Variants in SPAG9 observed in about 807,000 individuals in gnomAD.
SPAG9 encodes the protein C-Jun-amino-terminal kinase-interacting protein 4.
In SPAG9, 35 loss-of-function variants were observed where a neutral mutation model predicts 166.5. That is an observed-to-expected ratio of 0.21 (90% confidence interval 0.16 to 0.28). The LOEUF (loss-of-function observed/expected upper bound fraction) is 0.28. Among genes scored for constraint, SPAG9 ranks in the 10% least tolerant of loss-of-function variants. The probability of loss-of-function intolerance (pLI) is 1.00; values close to 1 mark genes in which losing one functional copy is unlikely to be tolerated. For missense variants in SPAG9, 1,235 were observed against 1,603.3 expected, an observed-to-expected ratio of 0.77 and a Z score of 3.92; for synonymous variants, 534 against 565.5, an observed-to-expected ratio of 0.94 and a Z score of 0.79.
At chr17:51,068,415 T>C (rs936939907) in intron 2 of SPAG9, among the ~76,000 whole-genome samples, 2 of 152,126 alleles carry the variant, frequency 1.3e-5, no homozygotes, top group Admixed American at 6.6e-5. Context: ...CAAAACAGAG[T>C]AGGATAACTT....
At chr17:51,065,441 A>G (rs956063572) in intron 2 of SPAG9, among the ~76,000 whole-genome samples, 2 of 152,200 alleles carry the variant, frequency 1.3e-5, no homozygotes, top group African/African-American at 4.8e-5. Context: ...GTCAAATGGT[A>G]AGGGATCAAA....
At chr17:51,110,627 T>A (rs1437185420) in intron 1 of SPAG9, among the ~76,000 whole-genome samples, 1 of 152,062 alleles carries the variant, frequency 6.6e-6, no homozygotes, top group Non-Finnish European at 1.5e-5. Flanking sequence ...AGGCAACAGT[T>A]GCAGTGAGCC....
chr17:50,986,966 CAACAT>C, intron 22 of SPAG9, 141 bp downstream of exon 22: 1 of 692,226 alleles, frequency 1.4e-6, no homozygotes, highest in Non-Finnish European at 2.3e-6. Flanking sequence ...GTGGTAGTTG[CAACAT>C]AACATCAAAT....
intron 8 of SPAG9, among the ~76,000 whole-genome samples, chr17:51,016,677 C>T (rs1011934440): frequency 2.0e-5 from 3 of 152,134 alleles, no homozygotes; most frequent in South Asian, 2.1e-4. Context: ...GAGGCCAAGG[C>T]GGGTGGATCA....
intron 4 of SPAG9, 140 bp downstream of exon 4, chr17:51,047,235 T>C (rs1373475047): frequency 1.7e-6 from 1 of 577,366 alleles, no homozygotes; most frequent in Non-Finnish European, 3.0e-6. Flanking sequence ...TGCTATTCTC[T>C]CCTGCAGCAT....
At chr17:51,016,716 C>T (rs1455967747) in intron 8 of SPAG9, among the ~76,000 whole-genome samples, 4 of 152,050 alleles carry the variant, frequency 2.6e-5, no homozygotes, top group Non-Finnish European at 5.9e-5. Flanking sequence ...ACCAGCCTGA[C>T]CAACATGGTG....
intron 24 of SPAG9, among the ~76,000 whole-genome samples, chr17:50,984,414 C>T (rs1445426172): frequency 2.0e-5 from 3 of 152,156 alleles, no homozygotes; most frequent in African/African-American, 4.8e-5. Context: ...CAGCCGGGCA[C>T]GGTGGCTCAC....
chr17:51,037,672 T>TATATATA (rs1296323468), intron 5 of SPAG9, among the ~76,000 whole-genome samples: 1 of 97,524 alleles, frequency 1.0e-5, no homozygotes, highest in African/African-American at 3.3e-5. Flanking sequence ...GTTTTATATA[T>TATATATA]ATATATATAT....
intron 19 of SPAG9, among the ~76,000 whole-genome samples, chr17:50,991,777 C>G (rs1163038385): frequency 6.6e-6 from 1 of 151,950 alleles, no homozygotes; most frequent in Non-Finnish European, 1.5e-5. Flanking sequence ...GCGCCTGCCA[C>G]TGCACCTGGC....
chr17:51,053,850 AAAAAGTATAT>A (rs1378835885), intron 3 of SPAG9, among the ~76,000 whole-genome samples: 45 of 57,208 alleles, frequency 7.9e-4, no homozygotes, highest in African/African-American at 4.0e-3. Context: ...AAAAAAAAAA[AAAAAGTATAT>A]ATATATATAT....
intron 9 of SPAG9, among the ~76,000 whole-genome samples, chr17:51,010,853 C>G (rs902873546): frequency 6.6e-6 from 1 of 151,960 alleles, no homozygotes; most frequent in African/African-American, 2.4e-5. Context: ...TAGTCTTGGG[C>G]TCTAGAAAAA....
chr17:51,086,620 T>C (rs1441201990), intron 1 of SPAG9, among the ~76,000 whole-genome samples: 2 of 151,340 alleles, frequency 1.3e-5, no homozygotes, highest in African/African-American at 4.9e-5. Flanking sequence ...ACCACTTCAC[T>C]CCTGCCTGGG....
At chr17:51,019,843 ACT>A (rs1285863820) in intron 8 of SPAG9, among the ~76,000 whole-genome samples, 1 of 152,140 alleles carries the variant, frequency 6.6e-6, no homozygotes, top group Non-Finnish European at 1.5e-5. Flanking sequence ...CAAGAGCGAA[ACT>A]CTGTCTCAAA....
At chr17:51,084,742 C>T (rs1369245514) in intron 1 of SPAG9, among the ~76,000 whole-genome samples, 5 of 151,742 alleles carry the variant, frequency 3.3e-5, no homozygotes, top group African/African-American at 7.3e-5. Context: ...TCTTGTGTTA[C>T]GGATAAAATG....
Position 51,079,663 on chromosome 17 carries a change from C to CT in SPAG9, c.344dup (p.Asp116GlyfsTer17). ...AAGATTCCACTCGGGTCTGTAAGTC[C>CT]TTTTTTTCCTGTTCTTGAGAGTCTT... On this transcript the variant is annotated frameshift_variant, in exon 2 of 30. Transcript: ENST00000262013. LOFTEE classifies it high-confidence loss of function. 3.7e-6 allele frequency: 6 copies of CT among 1,600,386 alleles called. No individual in the cohort carries two copies. The highest frequency in any genetic ancestry group is 3.4e-6 in the Non-Finnish European group (4 of 1,167,802).
chr17:51,096,280 C>CG (rs2048645844), intron 1 of SPAG9, among the ~76,000 whole-genome samples: 1 of 150,916 alleles, frequency 6.6e-6, no homozygotes, highest in Admixed American at 6.6e-5. Flanking sequence ...ACCCAGGAGG[C>CG]GGAGGTTGCA....
intron 27 of SPAG9, chr17:50,976,881 G>C (rs925310099): frequency 2.4e-6 from 1 of 410,186 alleles, no homozygotes; most frequent in African/African-American, 2.1e-5. Context: ...TGTGATTCCT[G>C]AACTGTGAAA....
chr17:51,003,993 A>T (rs1228144653), intron 12 of SPAG9, among the ~76,000 whole-genome samples: 1 of 152,254 alleles, frequency 6.6e-6, no homozygotes, highest in African/African-American at 2.4e-5. Context: ...ATTCAATGGG[A>T]TATCATAAAG....
intron 1 of SPAG9, among the ~76,000 whole-genome samples, chr17:51,105,628 T>C (rs1007056080): frequency 6.6e-6 from 1 of 151,676 alleles, no homozygotes; most frequent in Admixed American, 6.6e-5. Context: ...CCCAGCACTT[T>C]GGGAGGCGAG....
Sources: allele counts gnomAD v4.1 joint callset (sites outside exome capture counted in the v4.1 genomes callset), GRCh38; gene constraint gnomAD v4.1.1; transcripts MANE v1.5; gene names NCBI Gene and HGNC (gene_info 2026-07-23, HGNC 2026-07-21).